The following RICTOR variants were observed in gnomAD, a reference collection of about 807,000 sequenced individuals.
RICTOR encodes the protein RPTOR independent companion of MTOR complex 2, also known as rapamycin-insensitive companion of mTOR.
In RICTOR, 49 loss-of-function variants were observed where a neutral mutation model predicts 214.9. That is an observed-to-expected ratio of 0.23 (90% CI 0.18 to 0.29). The LOEUF (loss-of-function observed/expected upper bound fraction) is 0.29. Among genes scored for constraint, RICTOR ranks in the 10% least tolerant of loss-of-function variants. The pLI, the probability that RICTOR is intolerant of heterozygous loss-of-function variation, is 1.00. For synonymous variants in RICTOR, 717 were observed against 711.3 expected, an observed-to-expected ratio of 1.01 and a Z score of -0.13; for missense variants, 1,625 against 2,047.0, an observed-to-expected ratio of 0.79 and a Z score of 3.98.
intron 2 of RICTOR, among the ~76,000 whole-genome samples, chr5:39,060,991 T>C (rs1020617680): frequency 6.6e-6 from 1 of 152,070 alleles, no homozygotes; most frequent in Admixed American, 6.6e-5. Context: ...CTCCTAAGTA[T>C]GTAGGAAGAC....
In RICTOR at chr5:38,990,654, T is replaced by TATCA. The variant is rs1399356712; in HGVS notation, c.583+294_583+295insTGAT. On this transcript the variant is annotated intron_variant, in intron 7 of 37. Coordinates refer to ENST00000357387, the MANE Select transcript of RICTOR (RefSeq NM_152756.5). ...ATATATCTGACATATATCAGATATA[T>TATCA]GATATATATCAGATATATATCAGAT... Among the ~76,000 whole-genome samples the TATCA allele has an allele frequency of 3.1e-3, 278 of 89,038 alleles. 9 individuals carry two copies. The highest frequency in any genetic ancestry group is 0.01 in the African/African-American group (261 of 25,910). The allele number at this position is 89,038 out of a possible 152,430, so 58.4% of individuals were successfully genotyped here.
intron 5 of RICTOR, 70 bp from the exon 6 acceptor site, chr5:38,996,952 T>C (rs1673292647): frequency 5.1e-6 from 5 of 985,860 alleles, no homozygotes; most frequent in East Asian, 2.4e-5. Context: ...ACAATACTGA[T>C]AGATGAAACC....
chr5:38,957,504 A>G (rs1315878517), intron 25 of RICTOR, 148 bp downstream of exon 25: 3 of 587,318 alleles, frequency 5.1e-6, no homozygotes, highest in Non-Finnish European at 8.9e-6. Context: ...AATTATGCAG[A>G]ATTTAGGATT....
intron 2 of RICTOR, among the ~76,000 whole-genome samples, chr5:39,067,442 G>C (rs1758986212): frequency 6.6e-6 from 1 of 152,100 alleles, no homozygotes; most frequent in Non-Finnish European, 1.5e-5. Flanking sequence ...AATTCAACAT[G>C]AGATTTGGGT....
intron 3 of RICTOR, among the ~76,000 whole-genome samples, chr5:39,017,022 T>G (rs1755010581): frequency 6.6e-6 from 1 of 152,186 alleles, no homozygotes; most frequent in Non-Finnish European, 1.5e-5. Context: ...CCAGGAAATT[T>G]AAAATTACAC....
intron 7 of RICTOR, 32 bp downstream of exon 7, chr5:38,990,917 T>C (rs1394593732): frequency 6.8e-7 from 1 of 1,479,346 alleles, no homozygotes; most frequent in Non-Finnish European, 9.3e-7. Context: ...TTCTAAAATA[T>C]TACATTTTCA....
Position 38,953,081 on chromosome 5 carries a change from C to G in RICTOR, c.2801G>C (p.Gly934Ala). 1 of 1,596,206 alleles carries G rather than the reference C, an allele frequency of 6.3e-7. No individual in the cohort carries two copies. Among genetic ancestry groups the G allele is most frequent in the Non-Finnish European group, 8.6e-7 (1 of 1,165,864 alleles). ...KASLWALGNIGSSNWGLNLLQ... is the reference protein window; with the variant it reads ...KASLWALGNIASSNWGLNLLQ... ...CAAATTGAGACCCCAATTTGATGAG[C>G]CGATATTTCCCTGAAAGAAAAGAAA... Residue 934 changes from glycine to alanine, a missense_variant, in exon 29 of 38, where the codon GGC (glycine) becomes GCC (alanine). Gly to Ala is a moderately conservative substitution (Grantham distance 60, BLOSUM62 0). This residue lies in a region of RICTOR where 1,214 missense variants were observed against 1,470.5 expected (regional missense o/e 0.83). Coordinates refer to ENST00000357387, the MANE Select transcript of RICTOR (RefSeq NM_152756.5).
intron 20 of RICTOR, 57 bp from the exon 21 acceptor site, chr5:38,960,035 A>T: frequency 1.6e-6 from 2 of 1,214,382 alleles, no homozygotes; most frequent in Non-Finnish European, 2.4e-6. Context: ...TGTAATTAGA[A>T]AATCAACTTC....
Position 38,938,229 on chromosome 5 carries a change from C to T in RICTOR, c.*4075G>A, listed in dbSNP as rs1399010088. The T allele has an allele frequency of 7.2e-5, 16 of 223,646 alleles. No homozygotes were observed. Among genetic ancestry groups the T allele is most frequent in the Non-Finnish European group, 5.4e-5 (6 of 111,994 alleles). 13.9% of individuals were successfully genotyped at this position (223,646 alleles called of 1,614,324 possible). ...ACCAGAACCTCCAAATATGTAGCAG[C>T]GTATTACTAAATAAAAAAGAAGAAA... On this transcript the variant is annotated 3_prime_UTR_variant, in exon 38 of 38. Coordinates refer to ENST00000357387, the MANE Select transcript of RICTOR (RefSeq NM_152756.5).
intron 2 of RICTOR, chr5:39,022,350 G>T: frequency 6.5e-6 from 1 of 153,002 alleles, no homozygotes; most frequent in South Asian, 2.0e-4. Context: ...AGGGAACAGA[G>T]CAATTACTTG....
chr5:38,998,329 G>A (rs1310137973), intron 5 of RICTOR, among the ~76,000 whole-genome samples: 1 of 152,146 alleles, frequency 6.6e-6, no homozygotes, highest in African/African-American at 2.4e-5. Context: ...GGGATTACAG[G>A]TGTATGCCAC....
At chr5:38,975,699 A>G in intron 9 of RICTOR, 95 bp from the exon 10 acceptor site, 1 of 868,696 alleles carries the variant, frequency 1.2e-6, no homozygotes, top group Non-Finnish European at 1.9e-6. Context: ...AGCTATCACT[A>G]ATGTTTAAAC....
In RICTOR at chr5:38,995,836, G is replaced by A. The variant is rs1375047739; in HGVS notation, c.456+983C>T. Among the ~76,000 whole-genome samples, 4 of 152,220 alleles carry A rather than the reference G, an allele frequency of 2.6e-5. No homozygotes were observed. The East Asian group carries it at 5.8e-4, about 22-fold the overall frequency. ...TGAAAAGTCAAATTACAATCCTAGT[G>A]TAACAGTTCGCCTATAACAAGAGTC... On this transcript the variant is annotated intron_variant, in intron 6 of 37. Transcript: ENST00000357387.
rs1747511158 is a variant in RICTOR, at chr5:38,941,039, T to C, written c.*1265A>G. On this transcript the variant is annotated 3_prime_UTR_variant, in exon 38 of 38. Transcript: ENST00000357387. ...ATCCTTTCATTTACAAGCATTCAAA[T>C]GATGGCCATGCTATTTTTATATACA... 1 of 232,836 alleles carries C rather than the reference T, an allele frequency of 4.3e-6. No individual in the cohort carries two copies. Among genetic ancestry groups the C allele is most frequent in the Non-Finnish European group, 8.5e-6 (1 of 117,614 alleles). The allele number at this position is 232,836 out of a possible 1,614,324, so 14.4% of individuals were successfully genotyped here. A position where few individuals can be genotyped will look rare whatever the true frequency, so the allele number is the denominator to read the frequency against.
intron 2 of RICTOR, among the ~76,000 whole-genome samples, chr5:39,056,470 C>CA (rs923803363): frequency 7.9e-5 from 12 of 151,942 alleles, no homozygotes; most frequent in African/African-American, 2.4e-4. Context: ...CCTGTCTCTA[C>CA]AAAAAATACC....
chr5:38,966,722 CT>C lies in RICTOR; in HGVS notation c.1219-2del. 6.6e-7 allele frequency: 1 copy of C among 1,514,020 alleles called. No individual in the cohort carries two copies. Among genetic ancestry groups the C allele is most frequent in the Non-Finnish European group, 9.1e-7 (1 of 1,101,800 alleles). The allele number at this position is 1,514,020 out of a possible 1,614,324, so 93.8% of individuals were successfully genotyped here. A position where few individuals can be genotyped will look rare whatever the true frequency, so the allele number is the denominator to read the frequency against. ...TGTTTGTTATCACTTCAACTAGACC[CT>C]TTGAAAATAAAAAGATAACACCACT... On this transcript the variant is annotated splice_acceptor_variant, in intron 14 of 37. Coordinates refer to ENST00000357387, the MANE Select transcript of RICTOR (RefSeq NM_152756.5). LOFTEE classifies it high-confidence loss of function.
chr5:38,974,877 CT>C (rs924701174), intron 10 of RICTOR, among the ~76,000 whole-genome samples: 1 of 152,016 alleles, frequency 6.6e-6, no homozygotes, highest in Non-Finnish European at 1.5e-5. Flanking sequence ...GGTGAATTTC[CT>C]TTTTTTGCTT....
rs757163922 is a variant in RICTOR, at chr5:38,958,562, A to G, written c.2344-43T>C. 10 of 1,561,280 alleles carry G rather than the reference A, an allele frequency of 6.4e-6. No homozygotes were observed. The East Asian group carries it at 1.3e-4, about 21-fold the overall frequency. ...TATTTTTTTATAATTGCACAAAAAT[A>G]GCAAAATTTTTAGTTCCAAAATGCC... On this transcript the variant is annotated intron_variant, in intron 23 of 37. Coordinates refer to ENST00000357387, the MANE Select transcript of RICTOR (RefSeq NM_152756.5).
chr5:38,945,699 A>G lies in RICTOR; in HGVS notation c.4425T>C (p.Leu1475=). Residue 1475 remains leucine, a synonymous_variant, in exon 34 of 38, where the codon CTT becomes CTC. Coordinates refer to ENST00000357387, the MANE Select transcript of RICTOR (RefSeq NM_152756.5). ...AGGLPSGTGG[L]VKNSFHLLRQ... ...GTAGCAAGTGAAAAGAATTTTTTAC[A>G]AGACCTCCAGTTCCAGATGGAAGAC... 2 of 1,609,560 alleles carry G rather than the reference A, an allele frequency of 1.2e-6. No individual in the cohort carries two copies. The highest frequency in any genetic ancestry group is 2.7e-5 in the African/African-American group (2 of 74,948).
Sources: allele counts gnomAD v4.1 joint callset (sites outside exome capture counted in the v4.1 genomes callset), GRCh38; gene constraint gnomAD v4.1.1; regional missense constraint gnomAD v4.1.1; transcripts MANE v1.5; gene names NCBI Gene and HGNC (gene_info 2026-07-23, HGNC 2026-07-21).